ACOT8: variants seen among roughly 807,000 people sequenced by gnomAD.
ACOT8 encodes the protein acyl-coenzyme A thioesterase 8.
A neutral mutation model predicts 38.4 loss-of-function variants in ACOT8; 31 were observed. The ratio of observed to expected loss-of-function variants is 0.81; its 90% CI spans 0.61 to 1.09. ACOT8 has a LOEUF of 1.09. ACOT8 is among the 50% of genes least tolerant of loss of function. The probability of loss-of-function intolerance (pLI) is 0.00; values close to 1 mark genes in which losing one functional copy is unlikely to be tolerated. For missense variants in ACOT8, 373 were observed against 421.8 expected (o/e 0.88, Z 1.01); for synonymous variants, 158 against 170.3 (o/e 0.93, Z 0.56).
intron 2 of ACOT8, chr20:45,853,771 C>T (rs1601100907): frequency 9.2e-6 from 4 of 436,420 alleles, no homozygotes; most frequent in South Asian, 4.2e-5. Context: ...GACTGGGGGC[C>T]GAGAAGAGGG....
intron 3 of ACOT8, among the ~76,000 whole-genome samples, chr20:45,845,978 C>T (rs1295230572): frequency 1.3e-5 from 2 of 151,838 alleles, no homozygotes; most frequent in African/African-American, 4.8e-5. Context: ...ATTACAGGCA[C>T]GGGCCACCAC....
intron 2 of ACOT8, 36 bp downstream of exon 2, chr20:45,855,123 C>T: frequency 6.2e-7 from 1 of 1,608,814 alleles, no homozygotes; most frequent in Admixed American, 1.7e-5. Context: ...TGCTGGGCCA[C>T]CAGGGTTGGG....
At chr20:45,847,891 C>T (rs1402516663) in intron 3 of ACOT8, 3 of 151,496 alleles carry the variant, frequency 2.0e-5, no homozygotes, top group African/African-American at 4.8e-5. Flanking sequence ...ATCCCCCCGC[C>T]TCAGCCTCCC....
chr20:45,841,981 A>G (rs1236245655), intron 5 of ACOT8, 25 bp from the exon 6 acceptor site: 1 of 1,612,012 alleles, frequency 6.2e-7, no homozygotes, highest in Non-Finnish European at 8.5e-7. Context: ...AAGGGTGATG[A>G]TGGCCTGCTT....
In ACOT8 at chr20:45,849,045, T is replaced by C. The variant is rs573076516; in HGVS notation, c.263-370A>G. Reference sequence around the variant, plus strand: ...TTTTAATGATAATGAAATGAATCCGTAGTTGTAAAGTGTTTAGAATAATAT... The same window carrying C: ...TTTTAATGATAATGAAATGAATCCGCAGTTGTAAAGTGTTTAGAATAATAT... On this transcript the variant is annotated intron_variant, in intron 2 of 5. Coordinates refer to ENST00000217455, the MANE Select transcript of ACOT8 (RefSeq NM_005469.4). 5.1e-4 allele frequency: 97 copies of C among 189,310 alleles called. No homozygotes were observed. In the South Asian group the frequency reaches 0.014, roughly 27 times the overall value. The allele number at this position is 189,310 out of a possible 1,614,324, so 11.7% of individuals were successfully genotyped here. A position where few individuals can be genotyped will look rare whatever the true frequency, so the allele number is the denominator to read the frequency against.
chr20:45,845,795 G>A (rs1984642781), intron 3 of ACOT8, among the ~76,000 whole-genome samples: 1 of 151,808 alleles, frequency 6.6e-6, no homozygotes, highest in Non-Finnish European at 1.5e-5. Context: ...TAATGCAACT[G>A]AGGAACAGAA....
rs937240273 is a variant in ACOT8 at position 45,853,901 on chromosome 20, T to C, written c.262+1258A>G. On this transcript the variant is annotated intron_variant, in intron 2 of 5. Coordinates refer to ENST00000217455, the MANE Select transcript of ACOT8 (RefSeq NM_005469.4). ...AAAATGAAGGGGGAAACCCCATGGT[T>C]TTCTTAATACAAATCACATACTGTA... The C allele has an allele frequency of 1.5e-5, 20 of 1,299,972 alleles. No individual in the cohort carries two copies. In the African/African-American group the frequency reaches 2.9e-4, roughly 19 times the overall value. The allele number at this position is 1,299,972 out of a possible 1,614,324, so 80.5% of individuals were successfully genotyped here.
chr20:45,854,052 GC>G (rs1985238754), intron 2 of ACOT8: 7 of 1,106,902 alleles, frequency 6.3e-6, no homozygotes, highest in Non-Finnish European at 8.4e-6. Flanking sequence ...CATAGGTTTT[GC>G]TTTTATTTTC....
At position 45,854,214 on chromosome 20, in the gene ACOT8, C is replaced by CA. The variant is rs1472446913; in HGVS notation, c.262+944dup. Among the ~76,000 whole-genome samples, 6 of 152,188 alleles carry CA rather than the reference C, an allele frequency of 3.9e-5. No individual in the cohort carries two copies. In the East Asian group the frequency reaches 1.2e-3, roughly 29 times the overall value. On this transcript the variant is annotated intron_variant, in intron 2 of 5. Coordinates refer to ENST00000217455, the MANE Select transcript of ACOT8 (RefSeq NM_005469.4). ...ACACATAGGTTTTTTGTTTTTGAGACAGAGTCTCGCTCTGTTGCCCAGGCT... is the reference window on the plus strand; with the variant it reads ...ACACATAGGTTTTTTGTTTTTGAGACAAGAGTCTCGCTCTGTTGCCCAGGCT...
At position 45,843,517 on chromosome 20, in the gene ACOT8, C is replaced by T; in HGVS notation, c.841+10G>A. ...GTCAGTGCCCTTGTCCCACACGGCC[C>T]CACACTCACCGGCCCAGGGGCTCTC... On this transcript the variant is annotated intron_variant, in intron 5 of 5. Coordinates refer to ENST00000217455, the MANE Select transcript of ACOT8 (RefSeq NM_005469.4). 6.2e-7 allele frequency: 1 copy of T among 1,608,222 alleles called. No individual in the cohort carries two copies. The highest frequency in any genetic ancestry group is 8.5e-7 in the Non-Finnish European group (1 of 1,176,608).
At chr20:45,855,319 A>G in intron 1 of ACOT8, 27 bp from the exon 2 acceptor site, 1 of 1,613,090 alleles carries the variant, frequency 6.2e-7, no homozygotes, top group East Asian at 2.2e-5. Flanking sequence ...AAAGAGGGAA[A>G]GACTTGGGAA....
chr20:45,842,338 C>T, intron 5 of ACOT8: 1 of 1,385,820 alleles, frequency 7.2e-7, no homozygotes, highest in Non-Finnish European at 9.3e-7. Flanking sequence ...TCAAAAAGAT[C>T]ACAGAGGGAG....
chr20:45,856,575 G>A (rs1985454136), intron 1 of ACOT8, among the ~76,000 whole-genome samples: 1 of 152,128 alleles, frequency 6.6e-6, no homozygotes, highest in Non-Finnish European at 1.5e-5. Flanking sequence ...AGCTAATCAG[G>A]AGGCTGAGGC....
chr20:45,851,192 T>A (rs1447342958), intron 2 of ACOT8, among the ~76,000 whole-genome samples: 1 of 152,078 alleles, frequency 6.6e-6, no homozygotes, highest in Non-Finnish European at 1.5e-5. Context: ...CTTGCTCAGC[T>A]CTCTGTTATC....
chr20:45,842,164 G>A (rs1241418774), intron 5 of ACOT8: 8 of 1,519,442 alleles, frequency 5.3e-6, no homozygotes, highest in East Asian at 4.9e-5. Context: ...CTTGCAAAGG[G>A]TCTGGCCCAG....
rs1243383471 is a variant in ACOT8 at position 45,848,495 on chromosome 20, G to A, written c.443C>T (p.Pro148Leu). ...HQFSMPTVPP[P>L]EELLDCETLI... is the part of the protein sequence containing the mutation. ...GGTCTCACAGTCAAGCAGCTCTTCT[G>A]GTGGTGGCACAGTGGGCATGGAGAA... The change falls in exon 3 of 6, where the codon CCA becomes CTA. Residue 148 changes from proline (P) to leucine (L), a missense_variant. Pro to Leu is a moderately conservative substitution (Grantham distance 98). Coordinates refer to ENST00000217455, the MANE Select transcript of ACOT8 (RefSeq NM_005469.4). 6.2e-7 allele frequency: 1 copy of A among 1,612,850 alleles called. No homozygotes were observed. Among genetic ancestry groups the A allele is most frequent in the Admixed American group, 1.7e-5 (1 of 59,930 alleles).
chr20:45,855,199 G>C lies in ACOT8; in HGVS notation c.222C>G (p.Asp74Glu). ...LVAAAKSVSE[D>E]VHVHSLHCYF... The stretch of plus-strand genomic sequence containing the variant: ...AGCAGTGCAGGGAGTGCACGTGGAC[G>C]TCTTCACTCACAGACTTGGCTGCAG... The change falls in exon 2 of 6, where the codon GAC (aspartate) becomes GAG (glutamate). Residue 74 changes from aspartate to glutamate, a missense_variant. By Grantham distance (45) the Asp-to-Glu change is conservative. Coordinates refer to ENST00000217455, the MANE Select transcript of ACOT8 (RefSeq NM_005469.4). 1 of 1,614,146 alleles carries C rather than the reference G, an allele frequency of 6.2e-7. No individual in the cohort carries two copies. The highest frequency in any genetic ancestry group is 8.5e-7 in the Non-Finnish European group (1 of 1,180,022).
At chr20:45,855,614 G>A (rs886875370) in intron 1 of ACOT8, among the ~76,000 whole-genome samples, 2 of 151,974 alleles carry the variant, frequency 1.3e-5, no homozygotes, top group African/African-American at 2.4e-5. Flanking sequence ...TTAGCTGGAC[G>A]TGGTGGCATG....
At chr20:45,842,009 CTT>C (rs370136124) in intron 5 of ACOT8, 53 bp from the exon 6 acceptor site, 1,565 of 1,469,154 alleles carry the variant, frequency 1.1e-3, no homozygotes, top group East Asian at 3.7e-3. Flanking sequence ...GCCAAATACA[CTT>C]TTTTTTTTTT....
Sources: allele counts gnomAD v4.1 joint callset (sites outside exome capture counted in the v4.1 genomes callset), GRCh38; gene constraint gnomAD v4.1.1; transcripts MANE v1.5; gene names NCBI Gene and HGNC (gene_info 2026-07-23, HGNC 2026-07-21).